CARD9: variants seen among roughly 807,000 people sequenced by gnomAD.
CARD9 encodes caspase recruitment domain family member 9, also known as caspase recruitment domain-containing protein 9.
In CARD9, 53 loss-of-function variants were observed where a neutral mutation model predicts 66.0. The observed-to-expected ratio is 0.80, with a 90% CI of 0.64 to 1.01. CARD9 has a LOEUF of 1.01. Ranked by LOEUF, CARD9 falls within the 50% of genes least tolerant of loss-of-function variation. The pLI, the probability that CARD9 is intolerant of heterozygous loss-of-function variation, is 0.00. For missense variants in CARD9, 769 were observed against 743.2 expected (o/e 1.03, Z -0.40); for synonymous variants, 387 against 313.8 (o/e 1.23, Z -2.47).
At chr9:136,367,121 A>C in intron 9 of CARD9, 95 bp downstream of exon 9, 4 of 1,397,338 alleles carry the variant, frequency 2.9e-6, no homozygotes, top group Non-Finnish European at 4.0e-6. Context: ...GAGCAGGGCC[A>C]TGTGACGGGC....
Position 136,371,082 on chromosome 9 carries a change from T to A in CARD9, c.386A>T (p.Lys129Met). 1 of 1,612,750 alleles carries A rather than the reference T, an allele frequency of 6.2e-7. No individual in the cohort carries two copies. The highest frequency in any genetic ancestry group is 8.5e-7 in the Non-Finnish European group (1 of 1,179,946). Reference sequence around the variant, plus strand: ...CAGCAGCGCGGTCAGGTCCTGCACCTTCTTCTGCAGCTTCATGACCTCAGT... The same window carrying A: ...CAGCAGCGCGGTCAGGTCCTGCACCATCTTCTGCAGCTTCATGACCTCAGT... ...LMTEVMKLQKKVQDLTALLSS... is the reference protein window; with the variant it reads ...LMTEVMKLQKMVQDLTALLSS... The change falls in exon 4 of 13, where the codon AAG becomes ATG. Residue 129 changes from lysine (K) to methionine (M), a missense_variant. By Grantham distance (95) the Lys-to-Met change is moderately conservative. Transcript: ENST00000371732.
At chr9:136,372,360 G>A (rs1259310638) in intron 1 of CARD9, among the ~76,000 whole-genome samples, 5 of 152,168 alleles carry the variant, frequency 3.3e-5, no homozygotes, top group East Asian at 1.9e-4. Flanking sequence ...GCTCCTGCCC[G>A]TTGGCATCCA....
chr9:136,365,213 G>A lies in CARD9; in HGVS notation c.1362C>T (p.Cys454=). The A allele has an allele frequency of 4.4e-6, 7 of 1,608,858 alleles. No homozygotes were observed. Among genetic ancestry groups the A allele is most frequent in the Non-Finnish European group, 5.9e-6 (7 of 1,179,844 alleles). ...LEDTQLSDKG[C]LAGGGSPKQP... ...GTTTCGGGCTCCCCCCGCCGGCAAG[G>A]CAGCCTGGAAAGGAGAGTCGTGCCT... The change falls in exon 11 of 13, where the codon TGC becomes TGT. Residue 454 remains cysteine, a synonymous_variant. Transcript: ENST00000371732.
chr9:136,368,745 A>G (rs912724048), intron 7 of CARD9, among the ~76,000 whole-genome samples: 4 of 152,120 alleles, frequency 2.6e-5, no homozygotes, highest in African/African-American at 9.7e-5. Context: ...CTGGAGTGCA[A>G]TAGCGCAATG....
chr9:136,368,341 G>A (rs1167870807), intron 7 of CARD9, among the ~76,000 whole-genome samples: 1 of 152,206 alleles, frequency 6.6e-6, no homozygotes, highest in Non-Finnish European at 1.5e-5. Flanking sequence ...CCTGGCCAAC[G>A]CGCTCCCGGG....
In CARD9 at chr9:136,364,931, C is replaced by G. The variant is rs968632182; in HGVS notation, c.1434+210G>C. 8.4e-6 allele frequency: 5 copies of G among 596,652 alleles called. No homozygotes were observed. In the Admixed American group the frequency reaches 1.5e-4, roughly 18 times the overall value. The allele number at this position is 596,652 out of a possible 1,614,324, so 37.0% of individuals were successfully genotyped here. ...ACCAGGCACATCCACGTCCAAAAAG[C>G]CCCCCAAGCTGCTGCAGTGCCCAAG... On this transcript the variant is annotated intron_variant, in intron 11 of 12. Transcript: ENST00000371732.
rs779301338 is a variant in CARD9, at chr9:136,369,874, C to T, written c.953G>A (p.Cys318Tyr). ...CTCGAACATCTCCTTCTCCTCCATG[C>T]ACTGCAGGGGGCGGCAGCTCAGCCC... ...LRQGEARRLR[C>Y]MEEKEMFELQ... The change falls in exon 7 of 13, where the codon TGC (cysteine) becomes TAC (tyrosine). Residue 318 changes from cysteine to tyrosine, a missense_variant and splice_region_variant. Transcript: ENST00000371732. The T allele has an allele frequency of 6.2e-7, 1 of 1,612,050 alleles. No individual in the cohort carries two copies. The highest frequency in any genetic ancestry group is 1.1e-5 in the South Asian group (1 of 91,084).
chr9:136,368,505 G>T (rs1357063962), intron 7 of CARD9, among the ~76,000 whole-genome samples: 4 of 152,238 alleles, frequency 2.6e-5, no homozygotes, highest in Non-Finnish European at 2.9e-5. Flanking sequence ...GCTCTCATGG[G>T]GGCCGGGGCT....
intron 1 of CARD9, 57 bp from the exon 2 acceptor site, chr9:136,372,151 C>T (rs1173914542): frequency 6.3e-7 from 1 of 1,591,544 alleles, no homozygotes; most frequent in Non-Finnish European, 8.5e-7. Flanking sequence ...CACCCGGGCC[C>T]AGCTCCCACT....
chr9:136,372,141 C>G (rs945599369), intron 1 of CARD9, 47 bp from the exon 2 acceptor site: 22 of 1,597,302 alleles, frequency 1.4e-5, no homozygotes, highest in Admixed American at 8.5e-5. Context: ...CTCCTGCCCC[C>G]ACCCGGGCCC....
In CARD9 at chr9:136,372,105, T is replaced by TG; in HGVS notation, c.-16-12dup. ...GCCTCAGCAGGCAGGCTGGGGAGTG[T>TG]GGGGCAGTGCTGAGAGCGATGCCGG... is the stretch of plus-strand genomic sequence containing the variant. On this transcript the variant is annotated splice_polypyrimidine_tract_variant and intron_variant, in intron 1 of 12. Transcript: ENST00000371732. The TG allele has an allele frequency of 6.2e-7, 1 of 1,611,788 alleles. No homozygotes were observed. Among genetic ancestry groups the TG allele is most frequent in the Non-Finnish European group, 8.5e-7 (1 of 1,179,854 alleles).
intron 10 of CARD9, 166 bp from the exon 11 acceptor site, chr9:136,365,383 C>G (rs1430133579): frequency 1.6e-6 from 1 of 638,578 alleles, no homozygotes; most frequent in African/African-American, 1.8e-5. Context: ...AGACTGAGGC[C>G]TTATGGCCTC....
intron 7 of CARD9, among the ~76,000 whole-genome samples, chr9:136,368,217 G>A (rs190888112): frequency 4.6e-5 from 7 of 152,352 alleles, no homozygotes; most frequent in African/African-American, 1.7e-4. Context: ...ACACTGAGAC[G>A]CAGGAGCGAA....
At chr9:136,366,510 G>A (rs553467196) in intron 10 of CARD9, 12 of 517,082 alleles carry the variant, frequency 2.3e-5, no homozygotes, top group East Asian at 2.0e-4. Context: ...CTCTCAGGAC[G>A]GTGGGCCTGC....
At chr9:136,372,357 C>T (rs1833297572) in intron 1 of CARD9, among the ~76,000 whole-genome samples, 1 of 152,220 alleles carries the variant, frequency 6.6e-6, no homozygotes, top group Non-Finnish European at 1.5e-5. Context: ...CTTGCTCCTG[C>T]CCGTTGGCAT....
rs181375128 is a variant in CARD9 at position 136,366,557 on chromosome 9, A to C, written c.1357+243T>G. 3.0e-4 allele frequency: 171 copies of C among 578,924 alleles called. No homozygotes were observed. The East Asian group carries it at 4.4e-3, about 15-fold the overall frequency. The allele number at this position is 578,924 out of a possible 1,614,324, so 35.9% of individuals were successfully genotyped here. A position where few individuals can be genotyped will look rare whatever the true frequency, so the allele number is the denominator to read the frequency against. On this transcript the variant is annotated intron_variant, in intron 10 of 12. Transcript: ENST00000371732. ...GCCCATGGGGGCTGCCCAGACCCCCACACTCTCCACCCCAGGGGACACTTG... is the reference window on the plus strand; with the variant it reads ...GCCCATGGGGGCTGCCCAGACCCCCCCACTCTCCACCCCAGGGGACACTTG...
rs914850225 is a variant in CARD9, at chr9:136,370,160, C to T, written c.951+134G>A. On this transcript the variant is annotated intron_variant, in intron 6 of 12. Coordinates refer to ENST00000371732, the MANE Select transcript of CARD9 (RefSeq NM_052813.5). Reference sequence around the variant, plus strand: ...AAGGAGAGGGCACCGTCCACTGTGCCTCCAGGAGTGGGTGAGTGGAGGCGC... The same window carrying T: ...AAGGAGAGGGCACCGTCCACTGTGCTTCCAGGAGTGGGTGAGTGGAGGCGC... 9 of 1,480,346 alleles carry T rather than the reference C, an allele frequency of 6.1e-6. No homozygotes were observed. In the South Asian group the frequency reaches 6.6e-5, roughly 11 times the overall value. The allele number at this position is 1,480,346 out of a possible 1,614,324, so 91.7% of individuals were successfully genotyped here. A position where few individuals can be genotyped will look rare whatever the true frequency, so the allele number is the denominator to read the frequency against.
At chr9:136,365,009 G>A (rs569765658) in intron 11 of CARD9, 132 bp downstream of exon 11, 1 of 818,888 alleles carries the variant, frequency 1.2e-6, no homozygotes, top group African/African-American at 1.7e-5. Context: ...ACTGTGGGCA[G>A]AGACCTTGTG....
At chr9:136,371,856 G>A in intron 2 of CARD9, 39 bp downstream of exon 2, 2 of 1,565,758 alleles carry the variant, frequency 1.3e-6, no homozygotes, top group African/African-American at 2.7e-5. Flanking sequence ...TGACTCTGTG[G>A]TTGGGTTTGG....
Sources: gnomAD v4.1 joint callset for allele counts (sites outside exome capture counted in the v4.1 genomes callset) on GRCh38, gnomAD v4.1.1 for gene constraint, MANE v1.5 for transcripts, NCBI Gene and HGNC (gene_info 2026-07-23, HGNC 2026-07-21) for gene names.